Variants in TCF12 observed in about 807,000 individuals in gnomAD.
TCF12 encodes the protein transcription factor 12.
TCF12 carries 45 observed loss-of-function variants against 86.0 expected under a neutral mutation model. The ratio of observed to expected loss-of-function variants is 0.52; its 90% CI spans 0.41 to 0.67. The LOEUF (loss-of-function observed/expected upper bound fraction) is 0.67, where lower values mean the gene tolerates loss of function less well. Among genes scored for constraint, TCF12 ranks in the 30% least tolerant of loss-of-function variants. The probability of loss-of-function intolerance (pLI) is 0.00; values close to 1 mark genes in which losing one functional copy is unlikely to be tolerated. For missense variants in TCF12, 881 were observed against 859.9 expected (o/e 1.02, Z -0.31); for synonymous variants, 330 against 299.6 (o/e 1.10, Z -1.05).
chr15:57,208,389 T>TTTTTTTTCTC (rs1566917894), intron 8 of TCF12, among the ~76,000 whole-genome samples: 1 of 108,122 alleles, frequency 9.2e-6, no homozygotes, highest in African/African-American at 4.0e-5. Flanking sequence ...CCTTTTTTTT[T>TTTTTTTTCTC]TTTTTTTTTT....
intron 5 of TCF12, among the ~76,000 whole-genome samples, chr15:57,162,499 A>T (rs2054572928): frequency 6.6e-6 from 1 of 152,194 alleles, no homozygotes; most frequent in Non-Finnish European, 1.5e-5. Flanking sequence ...GTGAAATAAA[A>T]ATGTATTTAC....
chr15:57,268,374 A>T (rs748221400), intron 18 of TCF12, among the ~76,000 whole-genome samples: 1 of 152,158 alleles, frequency 6.6e-6, no homozygotes, highest in Non-Finnish European at 1.5e-5. Context: ...CATTTATATG[A>T]TTCTTAATGA....
chr15:57,271,736 G>A lies in TCF12; in HGVS notation c.1746-1294G>A, dbSNP rs758381416. On this transcript the variant is annotated intron_variant, in intron 18 of 20. Transcript: ENST00000333725. ...GGCCATCTTGGAAGCAACCCACCTC[G>A]GCAATGTATTTTTTTTAAGTATTTT... Among the ~76,000 whole-genome samples, 52 of 152,134 alleles carry A rather than the reference G, an allele frequency of 3.4e-4. 1 individual carries two copies. Among genetic ancestry groups the A allele is most frequent in the South Asian group, 2.1e-4 (1 of 4,816 alleles).
At chr15:57,165,156 G>GTGTT in intron 5 of TCF12, among the ~76,000 whole-genome samples, 1 of 150,080 alleles carries the variant, frequency 6.7e-6, no homozygotes, top group East Asian at 1.9e-4. Flanking sequence ...GTGTGTGTGT[G>GTGTT]TGTGTGTGCG....
chr15:57,237,148 A>AGTGTGTGT (rs59704193), intron 12 of TCF12, among the ~76,000 whole-genome samples: 1 of 146,060 alleles, frequency 6.8e-6, no homozygotes, highest in East Asian at 2.0e-4. Context: ...AGAGAGAGAG[A>AGTGTGTGT]GTGTGTGTGT....
intron 5 of TCF12, 129 bp downstream of exon 5, chr15:57,092,020 G>A (rs573506977): frequency 7.1e-4 from 455 of 644,274 alleles, no homozygotes; most frequent in Non-Finnish European, 1.1e-3. Flanking sequence ...GGGCATCTAG[G>A]GCTTTTCTTG....
intron 3 of TCF12, among the ~76,000 whole-genome samples, chr15:57,055,268 G>A (rs1473543275): frequency 1.3e-5 from 2 of 152,150 alleles, no homozygotes; most frequent in African/African-American, 4.8e-5. Context: ...CGAGTGTGGT[G>A]GCGCACGCCG....
rs574790081 is a variant in TCF12, at chr15:57,016,449, A to G, written c.149-47301A>G. ...GGATTTGTTTAGCTGATTTTGTCCA[A>G]GACCCTAGAGGACCTAGTGGAAGTC... On this transcript the variant is annotated intron_variant, in intron 3 of 20. Transcript: ENST00000333725. Among the ~76,000 whole-genome samples the G allele has an allele frequency of 1.2e-4, 18 of 152,332 alleles. 1 individual carries two copies. The highest frequency in any genetic ancestry group is 4.1e-4 in the African/African-American group (17 of 41,578).
intron 3 of TCF12, among the ~76,000 whole-genome samples, chr15:56,921,605 G>A (rs1019859022): frequency 2.0e-5 from 3 of 151,850 alleles, no homozygotes; most frequent in Non-Finnish European, 2.9e-5. Context: ...GTCCATTCCA[G>A]TGTGCAAAAG....
chr15:56,962,179 C>CAAATAACTTG (rs2061793721), intron 3 of TCF12, among the ~76,000 whole-genome samples: 1 of 149,012 alleles, frequency 6.7e-6, no homozygotes, highest in Non-Finnish European at 1.5e-5. Flanking sequence ...GAATTGTGGT[C>CAAATAACTTG]AAATAACTTG....
At chr15:56,992,690 A>G (rs553555766) in intron 3 of TCF12, among the ~76,000 whole-genome samples, 2 of 152,316 alleles carry the variant, frequency 1.3e-5, no homozygotes, top group South Asian at 2.1e-4. Context: ...GATCATCTGT[A>G]GTCATAAAAG....
intron 3 of TCF12, among the ~76,000 whole-genome samples, chr15:56,999,757 C>G (rs1295504058): frequency 6.6e-6 from 1 of 151,922 alleles, no homozygotes; most frequent in Non-Finnish European, 1.5e-5. Flanking sequence ...GCCTGTAGTC[C>G]CAGCGCCTCA....
intron 4 of TCF12, among the ~76,000 whole-genome samples, chr15:57,087,265 G>C (rs1016584034): frequency 6.6e-6 from 1 of 151,600 alleles, no homozygotes; most frequent in Non-Finnish European, 1.5e-5. Flanking sequence ...TAAAAATATT[G>C]GCTGGTCGTG....
In TCF12 at chr15:57,049,051, C is replaced by T. The variant is rs549518511; in HGVS notation, c.149-14699C>T. Among the ~76,000 whole-genome samples, 14 of 152,224 alleles carry T rather than the reference C, an allele frequency of 9.2e-5. No homozygotes were observed. The East Asian group carries it at 1.9e-3, about 21-fold the overall frequency. On this transcript the variant is annotated intron_variant, in intron 3 of 20. Coordinates refer to ENST00000333725, the MANE Select transcript of TCF12 (RefSeq NM_207037.2). ...AAGAGAGCCATGTTGACCGTGGTCA[C>T]GTCCACTTTCTGGGGGCTGCCTATA...
chr15:56,962,737 A>C (rs1022517806), intron 3 of TCF12, among the ~76,000 whole-genome samples: 32 of 152,102 alleles, frequency 2.1e-4, no homozygotes, highest in African/African-American at 7.5e-4. Flanking sequence ...CAGAATTGCA[A>C]CTCCTGAGAC....
At chr15:56,952,179 T>C (rs2061305915) in intron 3 of TCF12, among the ~76,000 whole-genome samples, 1 of 32,658 alleles carries the variant, frequency 3.1e-5, no homozygotes, top group Non-Finnish European at 5.9e-5. Context: ...AAAAGGCTTT[T>C]TTGTGTATAT....
chr15:57,283,762 T>C (rs554459904), intron 20 of TCF12, among the ~76,000 whole-genome samples: 1 of 152,336 alleles, frequency 6.6e-6, no homozygotes, highest in African/African-American at 2.4e-5. Flanking sequence ...GATTGTTTGA[T>C]AGATAAACTA....
intron 12 of TCF12, among the ~76,000 whole-genome samples, chr15:57,236,226 G>C (rs1346813299): frequency 2.0e-5 from 3 of 152,012 alleles, no homozygotes; most frequent in Admixed American, 6.6e-5. Flanking sequence ...TTCCCAGCCG[G>C]ACACCTCCCC....
intron 8 of TCF12, among the ~76,000 whole-genome samples, chr15:57,207,793 G>A (rs2057905509): frequency 2.0e-5 from 3 of 152,026 alleles, no homozygotes; most frequent in South Asian, 4.2e-4. Context: ...ATGATTTTCA[G>A]TATCTTCTCC....
Sources: gnomAD v4.1 joint callset for allele counts (sites outside exome capture counted in the v4.1 genomes callset) on GRCh38, gnomAD v4.1.1 for gene constraint, MANE v1.5 for transcripts, NCBI Gene and HGNC (gene_info 2026-07-23, HGNC 2026-07-21) for gene names.